The following EPHA6 variants were observed in gnomAD, a reference collection of about 807,000 sequenced individuals.
EPHA6 encodes ephrin type-A receptor 6.
Under a neutral mutation model 112.0 loss-of-function variants are expected in EPHA6, and 50 were observed. The observed-to-expected ratio is 0.45, with a 90% confidence interval of 0.36 to 0.56. EPHA6 has a LOEUF of 0.56. EPHA6 is among the 20% of genes least tolerant of loss of function. The pLI is 0.00. For missense variants in EPHA6, 1,280 were observed against 1,417.4 expected, an observed-to-expected ratio of 0.90 and a Z score of 1.56; for synonymous variants, 529 against 490.7, an observed-to-expected ratio of 1.08 and a Z score of -1.03.
chr3:97,679,446 TGGTACTGCTA>T (rs1368688153), intron 14 of EPHA6, among the ~76,000 whole-genome samples: 2 of 152,156 alleles, frequency 1.3e-5, no homozygotes, highest in Non-Finnish European at 2.9e-5. Context: ...GTACATTCTG[TGGTACTGCTA>T]GGCATGAAAA....
chr3:96,841,152 A>G (rs537520830), intron 1 of EPHA6, among the ~76,000 whole-genome samples: 1 of 152,172 alleles, frequency 6.6e-6, no homozygotes, highest in East Asian at 1.9e-4. Flanking sequence ...AGGTGGAACA[A>G]CTCGAGGTGA....
At chr3:97,347,596 T>A (rs2083596521) in intron 5 of EPHA6, among the ~76,000 whole-genome samples, 1 of 152,068 alleles carries the variant, frequency 6.6e-6, no homozygotes, top group Admixed American at 6.6e-5. Context: ...TGAGGCTATT[T>A]CTCCTAGAAA....
chr3:97,222,576 A>G lies in EPHA6; in HGVS notation c.1115-3688A>G, dbSNP rs536605238. Among the ~76,000 whole-genome samples, 20 of 152,342 alleles carry G rather than the reference A, an allele frequency of 1.3e-4. No homozygotes were observed. In the East Asian group the frequency reaches 3.3e-3, roughly 25 times the overall value. ...CAATATTAGAATAATCATTTTTCAGACACAGTTAAATCACTTTCAAGATAT... is the reference window on the plus strand; with the variant it reads ...CAATATTAGAATAATCATTTTTCAGGCACAGTTAAATCACTTTCAAGATAT... On this transcript the variant is annotated intron_variant, in intron 3 of 17. Coordinates refer to ENST00000389672, the MANE Select transcript of EPHA6 (RefSeq NM_001080448.3).
chr3:97,267,594 T>C (rs1053465109), intron 5 of EPHA6, among the ~76,000 whole-genome samples: 1 of 152,116 alleles, frequency 6.6e-6, no homozygotes, highest in African/African-American at 2.4e-5. Context: ...CTCTTTCCAT[T>C]TTATATTTTA....
intron 3 of EPHA6, among the ~76,000 whole-genome samples, chr3:97,147,957 A>G (rs1218427411): frequency 6.6e-6 from 1 of 152,124 alleles, no homozygotes; most frequent in Non-Finnish European, 1.5e-5. Context: ...ATGATAATGT[A>G]CAATGTTAAC....
At chr3:97,742,745 G>T (rs1210970267) in intron 16 of EPHA6, among the ~76,000 whole-genome samples, 2 of 152,066 alleles carry the variant, frequency 1.3e-5, no homozygotes, top group Non-Finnish European at 2.9e-5. Context: ...CTTTAAAAAT[G>T]TTTTAAATAT....
In EPHA6 at chr3:97,509,153, C is replaced by T. The variant is rs780366795; in HGVS notation, c.2201-23205C>T. On this transcript the variant is annotated intron_variant, in intron 10 of 17. Coordinates refer to ENST00000389672, the MANE Select transcript of EPHA6 (RefSeq NM_001080448.3). Reference sequence around the variant, plus strand: ...ATTCTTTATTCTGTTTGCCTGTCTGCGTCTTTTAATTGGGGCATTTAGACC... The same window carrying T: ...ATTCTTTATTCTGTTTGCCTGTCTGTGTCTTTTAATTGGGGCATTTAGACC... Among the ~76,000 whole-genome samples the T allele has an allele frequency of 3.6e-4, 55 of 151,254 alleles. 2 individuals carry two copies. Among genetic ancestry groups the T allele is most frequent in the East Asian group, 3.9e-4 (2 of 5,158 alleles).
In EPHA6 at chr3:96,814,824, G is replaced by C. The variant is rs1413946765; in HGVS notation, c.201G>C (p.Lys67Asn). 6.3e-7 allele frequency: 1 copy of C among 1,590,442 alleles called. No homozygotes were observed. Among genetic ancestry groups the C allele is most frequent in the Admixed American group, 1.8e-5 (1 of 55,934 alleles). ...AGGAGGAGGAAGAAGACGTGGACAA[G>C]GACCCCCATCCTACCCAGAACACCT... ...EEEEEEEDVD[K>N]DPHPTQNTCL... is the part of the protein sequence containing the mutation. Residue 67 changes from lysine to asparagine, a missense_variant, in exon 1 of 18, where the codon AAG (lysine) becomes AAC (asparagine). Physicochemically the swap from Lys to Asn is moderately conservative, Grantham distance 94. Coordinates refer to ENST00000389672, the MANE Select transcript of EPHA6 (RefSeq NM_001080448.3).
chr3:97,675,068 A>T (rs1423329346), intron 14 of EPHA6, among the ~76,000 whole-genome samples: 1 of 152,212 alleles, frequency 6.6e-6, no homozygotes, highest in Non-Finnish European at 1.5e-5. Context: ...ACAACAGCAC[A>T]TTATTATTCT....
chr3:97,303,093 T>C (rs2081163312), intron 5 of EPHA6, among the ~76,000 whole-genome samples: 2 of 151,938 alleles, frequency 1.3e-5, no homozygotes. Context: ...AAAACTCTTC[T>C]AATTTTAAAA....
At chr3:97,531,846 TA>T (rs1204493055) in intron 10 of EPHA6, among the ~76,000 whole-genome samples, 2 of 152,082 alleles carry the variant, frequency 1.3e-5, no homozygotes. Flanking sequence ...AATCACTTAC[TA>T]TGGTAGAGTT....
intron 3 of EPHA6, among the ~76,000 whole-genome samples, chr3:97,072,261 G>T (rs957933341): frequency 6.6e-6 from 1 of 152,068 alleles, no homozygotes; most frequent in African/African-American, 2.4e-5. Flanking sequence ...ACCTATGAAA[G>T]TGAACTTATT....
chr3:97,643,422 A>T (rs1157497592), intron 14 of EPHA6, among the ~76,000 whole-genome samples: 1 of 152,150 alleles, frequency 6.6e-6, no homozygotes, highest in Non-Finnish European at 1.5e-5. Context: ...TAATGATAGG[A>T]TCAAATTCAC....
chr3:97,531,543 C>A (rs1266601878), intron 10 of EPHA6, among the ~76,000 whole-genome samples: 1 of 152,012 alleles, frequency 6.6e-6, no homozygotes, highest in African/African-American at 2.4e-5. Context: ...AGGAAGTCTT[C>A]CAGCCCCCAC....
chr3:97,009,256 C>T (rs2043993759), intron 3 of EPHA6, among the ~76,000 whole-genome samples: 1 of 152,146 alleles, frequency 6.6e-6, no homozygotes, highest in Non-Finnish European at 1.5e-5. Context: ...CACTCCTTCC[C>T]CTAGGGGCTA....
At chr3:97,382,606 T>A (rs1452089054) in intron 5 of EPHA6, among the ~76,000 whole-genome samples, 3 of 152,076 alleles carry the variant, frequency 2.0e-5, no homozygotes, top group Non-Finnish European at 2.9e-5. Flanking sequence ...ACTAAAGCAT[T>A]TTTAACTTTA....
intron 3 of EPHA6, among the ~76,000 whole-genome samples, chr3:97,204,781 A>AG (rs1368047748): frequency 6.6e-6 from 1 of 152,142 alleles, no homozygotes; most frequent in Non-Finnish European, 1.5e-5. Context: ...AATAAATAGA[A>AG]CATACAATAC....
chr3:97,037,427 A>C (rs1027232851), intron 3 of EPHA6, among the ~76,000 whole-genome samples: 1 of 152,056 alleles, frequency 6.6e-6, no homozygotes, highest in African/African-American at 2.4e-5. Flanking sequence ...ACAACAGCAG[A>C]GAGAATATCA....
intron 3 of EPHA6, among the ~76,000 whole-genome samples, chr3:97,111,040 G>T (rs1374010181): frequency 6.6e-6 from 1 of 152,002 alleles, no homozygotes; most frequent in Admixed American, 6.6e-5. Flanking sequence ...TTAGGAAAAG[G>T]TTTAAAAAGA....
Sources: gnomAD v4.1 joint callset for allele counts (sites outside exome capture counted in the v4.1 genomes callset) on GRCh38, gnomAD v4.1.1 for gene constraint, MANE v1.5 for transcripts, NCBI Gene and HGNC (gene_info 2026-07-23, HGNC 2026-07-21) for gene names.